SLC25A51: variants seen among roughly 807,000 people sequenced by gnomAD.
SLC25A51 encodes solute carrier family 25 member 51.
A neutral mutation model predicts 19.1 loss-of-function variants in SLC25A51; 11 were observed. The ratio of observed to expected loss-of-function variants is 0.58; its 90% CI spans 0.36 to 0.96. SLC25A51 has a LOEUF of 0.96. SLC25A51 is among the 40% of genes least tolerant of loss of function. The probability of loss-of-function intolerance (pLI) is 0.01; values close to 1 mark genes in which losing one functional copy is unlikely to be tolerated. For synonymous variants in SLC25A51, 105 were observed against 133.6 expected, an observed-to-expected ratio of 0.79 and a Z score of 1.47; for missense variants, 201 against 365.4, an observed-to-expected ratio of 0.55 and a Z score of 3.67.
chr9:37,885,884 C>A (rs535871464), downstream of SLC25A51: 71 of 1,598,284 alleles, frequency 4.4e-5, no homozygotes, highest in Non-Finnish European at 5.5e-5. Flanking sequence ...GCAAACCCCC[C>A]CCTCCCCATA....
downstream of SLC25A51, chr9:37,878,805 T>C (rs1831299249): frequency 1.3e-5 from 2 of 156,482 alleles, no homozygotes; most frequent in African/African-American, 4.8e-5. Flanking sequence ...CTTTTAAAAA[T>C]GTTATTTTAA....
At chr9:37,903,598 C>T (rs1173939696) in intron 1 of SLC25A51, 3 of 152,316 alleles carry the variant, frequency 2.0e-5, no homozygotes, top group African/African-American at 7.2e-5. Flanking sequence ...ATCACTAAGT[C>T]CTCTTCCGTT....
chr9:37,891,219 C>T (rs1181359009), intron 2 of SLC25A51, among the ~76,000 whole-genome samples: 1 of 152,156 alleles, frequency 6.6e-6, no homozygotes, highest in Non-Finnish European at 1.5e-5. Flanking sequence ...GGCCAGCCGC[C>T]CCGTCCAGGA....
downstream of SLC25A51, chr9:37,885,632 C>G (rs13289192): frequency 1.2e-6 from 1 of 821,074 alleles, no homozygotes; most frequent in African/African-American, 1.7e-5. Flanking sequence ...CGGCGCCCAA[C>G]GTGGGCCTCA....
chr9:37,897,350 C>G (rs1831740314), intron 2 of SLC25A51, among the ~76,000 whole-genome samples: 1 of 152,050 alleles, frequency 6.6e-6, no homozygotes, highest in Non-Finnish European at 1.5e-5. Flanking sequence ...CCACTTTGCC[C>G]TGCCTGATTA....
intron 2 of SLC25A51, among the ~76,000 whole-genome samples, chr9:37,891,299 A>G (rs1782126942): frequency 6.6e-6 from 1 of 152,008 alleles, no homozygotes; most frequent in Admixed American, 6.5e-5. Context: ...TCTGCCCGGC[A>G]GCCCCTTCTG....
chr9:37,893,698 C>A (rs778060353), intron 2 of SLC25A51, among the ~76,000 whole-genome samples: 2 of 152,194 alleles, frequency 1.3e-5, no homozygotes, highest in Non-Finnish European at 2.9e-5. Context: ...CACCTGTATG[C>A]TCCACTGAGA....
chr9:37,887,784 T>G lies in SLC25A51; in HGVS notation c.767A>C (p.Lys256Thr). 1 of 1,613,892 alleles carries G rather than the reference T, an allele frequency of 6.2e-7. No individual in the cohort carries two copies. The highest frequency in any genetic ancestry group is 8.5e-7 in the Non-Finnish European group (1 of 1,179,856). ...TTTTCTGTCCCGTTCCAGCCAGATTTTTTGGAAAACCTTGGGGAAAGACTG... is the reference window on the plus strand; with the variant it reads ...TTTTCTGTCCCGTTCCAGCCAGATTGTTTGGAAAACCTTGGGGAAAGACTG... Reference protein sequence around the residue: ...EFQSFPKVFQKIWLERDRKLI... With the variant: ...EFQSFPKVFQTIWLERDRKLI... The change falls in exon 3 of 3, where the codon AAA (lysine) becomes ACA (threonine). Residue 256 changes from lysine (K) to threonine (T), a missense_variant. Lys to Thr is a moderately conservative substitution (Grantham distance 78, BLOSUM62 -1). Transcript: ENST00000242275.
downstream of SLC25A51, chr9:37,885,973 G>C: frequency 6.2e-7 from 1 of 1,613,820 alleles, no homozygotes. Flanking sequence ...GGGTCACTTG[G>C]ATTGTGGAGT....
At chr9:37,886,710 ACT>A (rs1205910843), downstream of SLC25A51, among the ~76,000 whole-genome samples, 17 of 152,026 alleles carry the variant, frequency 1.1e-4, no homozygotes, top group African/African-American at 3.6e-4. Context: ...TCTCCATGAA[ACT>A]CTGTCGTTTC....
At chr9:37,902,123 C>T (rs1831861659) in intron 1 of SLC25A51, among the ~76,000 whole-genome samples, 1 of 152,210 alleles carries the variant, frequency 6.6e-6, no homozygotes, top group Non-Finnish European at 1.5e-5. Context: ...TCACCACCTA[C>T]AAGCTGTTTA....
intron 2 of SLC25A51, among the ~76,000 whole-genome samples, chr9:37,899,482 A>G (rs1299657443): frequency 6.6e-6 from 1 of 152,070 alleles, no homozygotes; most frequent in Non-Finnish European, 1.5e-5. Context: ...CCTAGACTTA[A>G]GCAATTCTCC....
rs530909722 is a variant in SLC25A51, at chr9:37,882,370, T to C, written n.409-739A>G. On this transcript the variant is annotated intron_variant and non_coding_transcript_variant, in intron 2 of 3. Coordinates refer to the SLC25A51 transcript ENST00000496760. ...TTCACTCGAAGCCCTCTAGATCCCA[T>C]TTCATATATCCCATCGACCACCATT... Among the ~76,000 whole-genome samples the C allele has an allele frequency of 4.6e-5, 7 of 152,318 alleles. No individual in the cohort carries two copies. The South Asian group carries it at 1.0e-3, about 23-fold the overall frequency.
intron 2 of SLC25A51, among the ~76,000 whole-genome samples, chr9:37,889,531 C>A (rs1831534673): frequency 6.6e-6 from 1 of 151,996 alleles, no homozygotes; most frequent in African/African-American, 2.4e-5. Context: ...TGTATGAATT[C>A]TCAAAACAAC....
chr9:37,902,117 C>G (rs971366526), intron 1 of SLC25A51, among the ~76,000 whole-genome samples: 15 of 152,074 alleles, frequency 9.9e-5, no homozygotes, highest in African/African-American at 3.6e-4. Flanking sequence ...CTAAAGTCAC[C>G]ACCTACAAGC....
chr9:37,887,526 C>G (rs1418229134), downstream of SLC25A51: 33 of 1,092,574 alleles, frequency 3.0e-5, no homozygotes, highest in Non-Finnish European at 4.0e-5. Context: ...CTGACCTACT[C>G]CCCACACCCA....
chr9:37,882,755 T>C (rs543903000), downstream of SLC25A51, among the ~76,000 whole-genome samples: 4 of 152,306 alleles, frequency 2.6e-5, no homozygotes, highest in East Asian at 1.9e-4. Flanking sequence ...CACAAGACCA[T>C]AAGTGTCCTG....
chr9:37,895,814 A>C (rs958288388), intron 2 of SLC25A51, among the ~76,000 whole-genome samples: 1 of 150,146 alleles, frequency 6.7e-6, no homozygotes, highest in Non-Finnish European at 1.5e-5. Context: ...GCTTCCTTCC[A>C]CAACTTTTTT....
At chr9:37,901,528 T>C (rs1260435247) in intron 1 of SLC25A51, among the ~76,000 whole-genome samples, 1 of 152,242 alleles carries the variant, frequency 6.6e-6, no homozygotes, top group African/African-American at 2.4e-5. Flanking sequence ...ATAACTTGAC[T>C]GTTTAAGGCT....
Sources: gnomAD v4.1 joint callset for allele counts (sites outside exome capture counted in the v4.1 genomes callset) on GRCh38, gnomAD v4.1.1 for gene constraint, MANE v1.5 for transcripts, NCBI Gene and HGNC (gene_info 2026-07-23, HGNC 2026-07-21) for gene names.